Variants in SLC25A40 observed in about 807,000 individuals in gnomAD.
SLC25A40 encodes solute carrier family 25 member 40.
SLC25A40 carries 41 observed loss-of-function variants against 46.5 expected under a neutral mutation model. The ratio of observed to expected loss-of-function variants is 0.88; its 90% confidence interval spans 0.69 to 1.14. SLC25A40 has a LOEUF of 1.14. SLC25A40 is among the 50% of genes most tolerant of loss of function. The probability of loss-of-function intolerance (pLI) is 0.00; values close to 1 mark genes in which losing one functional copy is unlikely to be tolerated. For synonymous variants in SLC25A40, 126 were observed against 127.5 expected, an observed-to-expected ratio of 0.99 and a Z score of 0.08; for missense variants, 386 against 393.6, an observed-to-expected ratio of 0.98 and a Z score of 0.16.
intron 10 of SLC25A40, among the ~76,000 whole-genome samples, 193 bp downstream of exon 10, chr7:87,841,440 A>G (rs1326850044): frequency 6.6e-6 from 1 of 151,534 alleles, no homozygotes; most frequent in Non-Finnish European, 1.5e-5. Flanking sequence ...TAGACTTTAC[A>G]TTTTCTTAAA....
intron 4 of SLC25A40, among the ~76,000 whole-genome samples, chr7:87,855,016 G>A (rs1323367883): frequency 2.0e-5 from 3 of 151,762 alleles, no homozygotes; most frequent in Non-Finnish European, 4.4e-5. Context: ...TTAAAAATCA[G>A]CTGGGTGTGA....
At chr7:87,859,916 C>T (rs1838672528) in intron 2 of SLC25A40, among the ~76,000 whole-genome samples, 1 of 151,980 alleles carries the variant, frequency 6.6e-6, no homozygotes, top group African/African-American at 2.4e-5. Context: ...TGATACAGGG[C>T]CAGGTGTGGT....
chr7:87,868,939 T>C (rs577734703), intron 1 of SLC25A40, among the ~76,000 whole-genome samples: 6 of 152,314 alleles, frequency 3.9e-5, no homozygotes, highest in African/African-American at 1.4e-4. Context: ...TGACCAATCC[T>C]ACCCTAAAGC....
intron 2 of SLC25A40, among the ~76,000 whole-genome samples, chr7:87,859,086 C>G (rs1838657786): frequency 6.6e-6 from 1 of 152,100 alleles, no homozygotes; most frequent in African/African-American, 2.4e-5. Flanking sequence ...AGAAAAGCAA[C>G]ATAAAAACAT....
At chr7:87,861,817 T>G (rs1468661531) in intron 1 of SLC25A40, among the ~76,000 whole-genome samples, 2 of 152,100 alleles carry the variant, frequency 1.3e-5, no homozygotes, top group African/African-American at 2.4e-5. Flanking sequence ...CCAGAAAACT[T>G]TATTATATTT....
In SLC25A40 at chr7:87,860,654, G is replaced by A. The variant is rs1036455923; in HGVS notation, c.-93-14C>T. 2 of 152,078 alleles carry A rather than the reference G, an allele frequency of 1.3e-5. No homozygotes were observed. Among genetic ancestry groups the A allele is most frequent in the South Asian group, 4.1e-4 (2 of 4,828 alleles). The allele number at this position is 152,078 out of a possible 1,614,324, so 9.4% of individuals were successfully genotyped here. ...GTAGCCAAAAACCTGTAATTAAGAA[G>A]AAAGTAATTGTCTTATCTTTTCACA... is the stretch of plus-strand genomic sequence containing the variant. On this transcript the variant is annotated splice_polypyrimidine_tract_variant and intron_variant, in intron 1 of 11. Coordinates refer to ENST00000341119, the MANE Select transcript of SLC25A40 (RefSeq NM_018843.4).
intron 6 of SLC25A40, among the ~76,000 whole-genome samples, chr7:87,849,373 T>G (rs973172341): frequency 1.3e-5 from 2 of 152,236 alleles, no homozygotes; most frequent in Non-Finnish European, 2.9e-5. Context: ...CAGGTTGATC[T>G]GTACACTGCG....
chr7:87,837,428 CT>C (rs1838272788), intron 10 of SLC25A40, among the ~76,000 whole-genome samples: 1 of 151,068 alleles, frequency 6.6e-6, no homozygotes, highest in Non-Finnish European at 1.5e-5. Context: ...TTATTACTAC[CT>C]TTCTGAATGG....
chr7:87,833,974 T>C lies in SLC25A40; in HGVS notation c.*2275A>G, dbSNP rs1265138629. 2.6e-5 allele frequency: 4 copies of C among 151,918 alleles called. No homozygotes were observed. In the Admixed American group the frequency reaches 2.6e-4, roughly 10 times the overall value. 9.4% of individuals were successfully genotyped at this position (151,918 alleles called of 1,614,324 possible). ...AATCAAATATGTACTACTTTAAAGG[T>C]TGCAACCATCTCATATTGAAAATTA... On this transcript the variant is annotated 3_prime_UTR_variant, in exon 12 of 12. Transcript: ENST00000341119.
intron 1 of SLC25A40, among the ~76,000 whole-genome samples, chr7:87,865,784 A>T (rs1471923204): frequency 6.6e-6 from 1 of 151,998 alleles, no homozygotes; most frequent in East Asian, 1.9e-4. Context: ...GGGGAAAAAA[A>T]AAGAATATTC....
rs557189656 is a variant in SLC25A40, at chr7:87,849,163, CTT to C, written c.332+716_332+717del. Among the ~76,000 whole-genome samples the C allele has an allele frequency of 4.9e-3, 740 of 152,214 alleles. 7 individuals carry two copies. The Middle Eastern group carries it at 0.051, about 10-fold the overall frequency. ...AAAATGAACAAATAAACACCAAAGT[CTT>C]TATTTCTGAACATGAAAAAAATTAC... On this transcript the variant is annotated intron_variant, in intron 6 of 11. Transcript: ENST00000341119.
intron 1 of SLC25A40, among the ~76,000 whole-genome samples, chr7:87,865,918 C>CA (rs1028263349): frequency 5.3e-5 from 8 of 151,770 alleles, no homozygotes; most frequent in Non-Finnish European, 1.0e-4. Flanking sequence ...CCCATCTCTA[C>CA]AAAAAAATAC....
At chr7:87,869,608 T>C (rs556733202) in intron 1 of SLC25A40, among the ~76,000 whole-genome samples, 1 of 152,156 alleles carries the variant, frequency 6.6e-6, no homozygotes, top group East Asian at 1.9e-4. Context: ...TTTTTTCTGG[T>C]TTCCTTTACT....
chr7:87,846,707 A>C (rs1446484804), intron 8 of SLC25A40, among the ~76,000 whole-genome samples: 1 of 152,138 alleles, frequency 6.6e-6, no homozygotes, highest in Non-Finnish European at 1.5e-5. Context: ...GAATATGAAT[A>C]CCCACTAATT....
intron 6 of SLC25A40, among the ~76,000 whole-genome samples, chr7:87,849,220 C>A (rs1458149166): frequency 6.6e-6 from 1 of 152,154 alleles, no homozygotes; most frequent in African/African-American, 2.4e-5. Flanking sequence ...GACAACACAG[C>A]AGGCTTGGTT....
rs1838563510 is a variant in SLC25A40, at chr7:87,854,146, T to C, written c.264+58A>G. On this transcript the variant is annotated intron_variant, in intron 5 of 11. Coordinates refer to ENST00000341119, the MANE Select transcript of SLC25A40 (RefSeq NM_018843.4). ...AACCCTCTTGCAATTAGAAAATATT[T>C]CACATATAAGATTAAATAGAAAATA... 2.1e-5 allele frequency: 24 copies of C among 1,167,564 alleles called. No homozygotes were observed. The South Asian group carries it at 2.9e-4, about 14-fold the overall frequency. 72.3% of individuals were successfully genotyped at this position (1,167,564 alleles called of 1,614,324 possible). A position where few individuals can be genotyped will look rare whatever the true frequency, so the allele number is the denominator to read the frequency against.
At chr7:87,848,071 G>A in intron 6 of SLC25A40, 94 bp from the exon 7 acceptor site, 1 of 1,383,992 alleles carries the variant, frequency 7.2e-7, no homozygotes, top group Non-Finnish European at 9.6e-7. Flanking sequence ...AGCTAAAAAA[G>A]TCTTATATTT....
chr7:87,851,652 A>C (rs894945120), intron 5 of SLC25A40, among the ~76,000 whole-genome samples: 3 of 152,208 alleles, frequency 2.0e-5, no homozygotes, highest in African/African-American at 7.2e-5. Context: ...AGTGGAAACC[A>C]TATAGAAAGC....
chr7:87,850,006 A>T, intron 5 of SLC25A40, 58 bp from the exon 6 acceptor site: 2 of 1,064,718 alleles, frequency 1.9e-6, no homozygotes, highest in South Asian at 1.6e-5. Context: ...TTTATACAAA[A>T]ATTTATACTG....
Sources: gnomAD v4.1 joint callset for allele counts (sites outside exome capture counted in the v4.1 genomes callset) on GRCh38, gnomAD v4.1.1 for gene constraint, MANE v1.5 for transcripts, NCBI Gene and HGNC (gene_info 2026-07-23, HGNC 2026-07-21) for gene names.